The following TMTC1 variants were observed in gnomAD, a reference collection of about 807,000 sequenced individuals.
TMTC1 encodes transmembrane O-mannosyltransferase targeting cadherins 1.
A neutral mutation model predicts 104.8 loss-of-function variants in TMTC1; 73 were observed. The ratio of observed to expected loss-of-function variants is 0.70; its 90% CI spans 0.58 to 0.85. The LOEUF is 0.85. Ranked by LOEUF, TMTC1 falls within the 40% of genes least tolerant of loss-of-function variation. The pLI is 0.00. For missense variants in TMTC1, 1,035 were observed against 1,096.1 expected, an observed-to-expected ratio of 0.94 and a Z score of 0.79; for synonymous variants, 434 against 428.7, an observed-to-expected ratio of 1.01 and a Z score of -0.15.
intron 7 of TMTC1, among the ~76,000 whole-genome samples, chr12:29,595,988 T>C (rs1210032046): frequency 1.3e-5 from 2 of 152,064 alleles, no homozygotes; most frequent in African/African-American, 4.8e-5. Context: ...AATTTACTTT[T>C]CTGTTTTATT....
intron 5 of TMTC1, among the ~76,000 whole-genome samples, chr12:29,667,335 A>AT (rs1341265243): frequency 1.3e-5 from 2 of 152,300 alleles, no homozygotes; most frequent in Non-Finnish European, 2.9e-5. Flanking sequence ...TTTCAGTTCT[A>AT]TCTACTCAGA....
rs1240432070 is a variant in TMTC1 at position 29,643,805 on chromosome 12, ATATATT to A, written c.939-10475_939-10470del. Among the ~76,000 whole-genome samples, 279 of 75,588 alleles carry A rather than the reference ATATATT, an allele frequency of 3.7e-3. 4 individuals are homozygous for A. The highest frequency in any genetic ancestry group is 0.015 in the African/African-American group (257 of 17,572). 49.6% of individuals were successfully genotyped at this position (75,588 alleles called of 152,430 possible). On this transcript the variant is annotated intron_variant, in intron 5 of 17. Coordinates refer to ENST00000539277, the MANE Select transcript of TMTC1 (RefSeq NM_001193451.2). ...TTTATATATATTTATATACATATTT[ATATATT>A]TATATATATTTATATATTTATATAT...
intron 2 of TMTC1, among the ~76,000 whole-genome samples, chr12:29,764,817 C>T (rs1295669656): frequency 1.3e-5 from 2 of 152,242 alleles, no homozygotes; most frequent in South Asian, 2.1e-4. Context: ...TACAAAAGCT[C>T]GCTGCAACTT....
chr12:29,519,486 C>T (rs1466638599), intron 12 of TMTC1: 3 of 152,176 alleles, frequency 2.0e-5, no homozygotes, highest in Non-Finnish European at 4.4e-5. Context: ...TCAGTAACTA[C>T]ACTTTAGAAC....
chr12:29,766,099 C>T (rs946714256), intron 2 of TMTC1, among the ~76,000 whole-genome samples: 2 of 152,172 alleles, frequency 1.3e-5, no homozygotes, highest in African/African-American at 4.8e-5. Context: ...ATTACTTATG[C>T]CTCATACTCA....
At chr12:29,784,695 AT>A (rs1369485484), upstream of TMTC1, 3 of 152,190 alleles carry the variant, frequency 2.0e-5, no homozygotes, top group Non-Finnish European at 4.4e-5. Context: ...CTTCTGAAAC[AT>A]TTCTTATTTT....
chr12:29,688,965 A>T (rs1941180601), intron 5 of TMTC1, among the ~76,000 whole-genome samples: 1 of 152,252 alleles, frequency 6.6e-6, no homozygotes, highest in East Asian at 1.9e-4. Flanking sequence ...AGGTGGGCCA[A>T]CCTAGAAGAC....
intron 5 of TMTC1, among the ~76,000 whole-genome samples, chr12:29,635,262 C>T (rs1290766565): frequency 6.6e-6 from 1 of 151,938 alleles, no homozygotes; most frequent in African/African-American, 2.4e-5. Context: ...ATGCCATCTC[C>T]ACAGGAAAGT....
At chr12:29,724,617 T>C (rs1321648293) in intron 5 of TMTC1, among the ~76,000 whole-genome samples, 2 of 152,130 alleles carry the variant, frequency 1.3e-5, no homozygotes, top group African/African-American at 4.8e-5. Flanking sequence ...ATAACAAAGA[T>C]GGGTCTCAGA....
chr12:29,773,406 A>G (rs780292010), intron 1 of TMTC1, among the ~76,000 whole-genome samples: 2 of 112,316 alleles, frequency 1.8e-5, no homozygotes, highest in African/African-American at 2.9e-5. Context: ...CTTTGACAAT[A>G]GCTCTGATTT....
chr12:29,520,773 C>A (rs1365839804), intron 11 of TMTC1, 53 bp from the exon 12 acceptor site: 31 of 1,410,904 alleles, frequency 2.2e-5, no homozygotes, highest in African/African-American at 2.9e-5. Context: ...CTAAAACCAA[C>A]AATAACTGAA....
intron 10 of TMTC1, among the ~76,000 whole-genome samples, chr12:29,546,011 A>C (rs760218912): frequency 5.3e-5 from 8 of 152,166 alleles, no homozygotes; most frequent in Non-Finnish European, 1.0e-4. Context: ...GGTCACATGT[A>C]ATTTTGCAGT....
intron 12 of TMTC1, among the ~76,000 whole-genome samples, chr12:29,518,953 T>A (rs1174550218): frequency 2.0e-5 from 3 of 152,216 alleles, no homozygotes; most frequent in African/African-American, 7.2e-5. Flanking sequence ...ATCCAAGATA[T>A]AACTGGCTCT....
intron 14 of TMTC1, 119 bp downstream of exon 14, chr12:29,517,308 A>T (rs1944015031): frequency 9.2e-7 from 1 of 1,086,314 alleles, no homozygotes; most frequent in African/African-American, 1.6e-5. Context: ...CTGTATGAAT[A>T]TTCATACAGT....
Position 29,768,076 on chromosome 12 carries a change from C to A in TMTC1, c.303-1G>T. ...CATACCAGTCAAAAATATGTTTAGCCTGTAAAACAAAAGAAAAAAGAAAAA... is the reference window on the plus strand; with the variant it reads ...CATACCAGTCAAAAATATGTTTAGCATGTAAAACAAAAGAAAAAAGAAAAA... On this transcript the variant is annotated splice_acceptor_variant, in intron 1 of 17. Coordinates refer to ENST00000539277, the MANE Select transcript of TMTC1 (RefSeq NM_001193451.2). LOFTEE classifies it high-confidence loss of function. 6.4e-7 allele frequency: 1 copy of A among 1,556,724 alleles called. No homozygotes were observed. Among genetic ancestry groups the A allele is most frequent in the Non-Finnish European group, 8.7e-7 (1 of 1,154,466 alleles).
Position 29,556,867 on chromosome 12 carries a change from T to G in TMTC1, c.1666A>C (p.Asn556His). ...QHNRALFNLG[N>H]LLKSQEKKEE... ...AAACGTCCCACTTACTTGAGGAGAT[T>G]CCCCAGATTGAAAAGAGCCCGGTTA... Residue 556 changes from asparagine to histidine, a missense_variant, in exon 10 of 18, where the codon AAT (asparagine) becomes CAT (histidine). Coordinates refer to ENST00000539277, the MANE Select transcript of TMTC1 (RefSeq NM_001193451.2). 1 of 1,614,008 alleles carries G rather than the reference T, an allele frequency of 6.2e-7. No homozygotes were observed. The highest frequency in any genetic ancestry group is 1.1e-5 in the South Asian group (1 of 91,058).
chr12:29,534,427 C>T (rs150478368), intron 11 of TMTC1: 150 of 152,290 alleles, frequency 9.8e-4, no homozygotes, highest in African/African-American at 3.4e-3. Flanking sequence ...AAGATGGGAC[C>T]TTTGTGTGTA....
intron 11 of TMTC1, among the ~76,000 whole-genome samples, chr12:29,525,046 T>G (rs1944296476): frequency 6.8e-6 from 1 of 146,502 alleles, no homozygotes; most frequent in Admixed American, 6.7e-5. Flanking sequence ...ATCTTAAGGT[T>G]TCAAATGGGT....
chr12:29,597,403 G>C (rs1012708241), intron 7 of TMTC1, among the ~76,000 whole-genome samples: 1 of 151,792 alleles, frequency 6.6e-6, no homozygotes, highest in Non-Finnish European at 1.5e-5. Flanking sequence ...CGCATCACCT[G>C]TTCCTGCTGC....
Sources: allele counts gnomAD v4.1 joint callset (sites outside exome capture counted in the v4.1 genomes callset), GRCh38; gene constraint gnomAD v4.1.1; transcripts MANE v1.5; gene names NCBI Gene and HGNC (gene_info 2026-07-23, HGNC 2026-07-21).